PITPNM2: variants seen among roughly 807,000 people sequenced by gnomAD.
PITPNM2 encodes membrane-associated phosphatidylinositol transfer protein 2.
PITPNM2 carries 35 observed loss-of-function variants against 132.2 expected under a neutral mutation model. That is an observed-to-expected ratio of 0.26 (90% CI 0.20 to 0.35). The LOEUF (loss-of-function observed/expected upper bound fraction) is 0.35. PITPNM2 is among the 10% of genes least tolerant of loss of function. The probability of loss-of-function intolerance (pLI) is 1.00; values close to 1 mark genes in which losing one functional copy is unlikely to be tolerated. For missense variants in PITPNM2, 1,332 were observed against 1,912.0 expected (o/e 0.70, Z 5.66); for synonymous variants, 738 against 799.2 (o/e 0.92, Z 1.29).
chr12:123,127,865 T>C (rs1057353756), intron 1 of PITPNM2, among the ~76,000 whole-genome samples: 1 of 152,034 alleles, frequency 6.6e-6, no homozygotes, highest in Non-Finnish European at 1.5e-5. Context: ...CGCCTTGGCC[T>C]CCCAAAGTGC....
In PITPNM2 at chr12:123,078,803, G is replaced by A. The variant is rs544675211; in HGVS notation, c.-96+31582C>T. ...CACGCTGGGTGGCATCTCCCATCACGCCTGTGCCAGCCTCACTGCTGCAGC... is the reference window on the plus strand; with the variant it reads ...CACGCTGGGTGGCATCTCCCATCACACCTGTGCCAGCCTCACTGCTGCAGC... On this transcript the variant is annotated intron_variant, in intron 2 of 25. Coordinates refer to ENST00000320201, the MANE Select transcript of PITPNM2 (RefSeq NM_020845.3). The surrounding 1 kb of genome is among the most constrained non-coding windows in gnomAD (Gnocchi z 7.3). Among the ~76,000 whole-genome samples, 71 of 152,324 alleles carry A rather than the reference G, an allele frequency of 4.7e-4. No individual in the cohort carries two copies. The highest frequency in any genetic ancestry group is 1.4e-3 in the African/African-American group (58 of 41,578).
rs564233317 is a variant in PITPNM2, at chr12:123,099,353, G to A, written c.-96+11032C>T. 6.6e-6 allele frequency among the ~76,000 whole-genome samples: 1 copy of A among 152,280 alleles called. No individual in the cohort carries two copies. Among genetic ancestry groups the A allele is most frequent in the African/African-American group, 2.4e-5 (1 of 41,546 alleles). On this transcript the variant is annotated intron_variant, in intron 2 of 25. Transcript: ENST00000320201. This position sits in a 1 kb window ranked among gnomAD's most constrained non-coding sequence, Gnocchi z 4.2. ...AATCTGCCTCCCTATGTTCCTCGGAGAACACCCAGCACAGCAAGATTGGGA... is the reference window on the plus strand; with the variant it reads ...AATCTGCCTCCCTATGTTCCTCGGAAAACACCCAGCACAGCAAGATTGGGA...
chr12:123,086,163 G>A (rs1039469496), intron 2 of PITPNM2, among the ~76,000 whole-genome samples: 5 of 152,212 alleles, frequency 3.3e-5, no homozygotes, highest in East Asian at 1.9e-4. Context: ...CAAGGTAGCC[G>A]TGAGCAAGAA....
intron 1 of PITPNM2, among the ~76,000 whole-genome samples, chr12:123,116,647 C>CAA (rs5801499): frequency 4.0e-4 from 43 of 107,874 alleles, no homozygotes; most frequent in African/African-American, 1.3e-3. Context: ...GACCTTGTTT[C>CAA]AAAAAAAAAA....
chr12:123,089,021 C>T (rs1170535123), intron 2 of PITPNM2: 1 of 152,192 alleles, frequency 6.6e-6, no homozygotes, highest in East Asian at 1.9e-4. Context: ...GTTGGGCTTA[C>T]TTGCTTACAT....
At chr12:123,012,555 G>A in intron 5 of PITPNM2, 58 bp downstream of exon 5, 1 of 1,595,336 alleles carries the variant, frequency 6.3e-7, no homozygotes, top group Non-Finnish European at 8.6e-7. Flanking sequence ...GGACAAGAGG[G>A]ACCTGTGGGT....
chr12:123,037,016 G>A (rs2136486462), intron 2 of PITPNM2, among the ~76,000 whole-genome samples: 1 of 152,372 alleles, frequency 6.6e-6, no homozygotes, highest in African/African-American at 2.4e-5. Context: ...CTGAGGCCCT[G>A]TGGAGTTCTT....
intron 2 of PITPNM2, among the ~76,000 whole-genome samples, chr12:123,093,658 G>A (rs1283204274): frequency 2.0e-5 from 3 of 152,194 alleles, no homozygotes. Context: ...AGCCCTGGGA[G>A]GGAGAACAAG....
chr12:123,055,762 C>A (rs1251073096), intron 2 of PITPNM2, among the ~76,000 whole-genome samples: 3 of 152,062 alleles, frequency 2.0e-5, no homozygotes, highest in Admixed American at 6.6e-5. Context: ...CTTCTTCTTG[C>A]CAGGCTCTCT....
rs201557606 is a variant in PITPNM2, at chr12:123,009,815, C to G, written c.643+35G>C. 1 of 1,595,706 alleles carries G rather than the reference C, an allele frequency of 6.3e-7. No individual in the cohort carries two copies. Among genetic ancestry groups the G allele is most frequent in the African/African-American group, 1.3e-5 (1 of 74,502 alleles). On this transcript the variant is annotated intron_variant, in intron 6 of 25. Coordinates refer to ENST00000320201, the MANE Select transcript of PITPNM2 (RefSeq NM_020845.3). This position sits in a 1 kb window ranked among gnomAD's most constrained non-coding sequence, Gnocchi z 4.8. ...GACAGGAGACAGAGGGGTTGGGTAG[C>G]CCAGCCACTGCCCACCTGGCATGGG...
At chr12:123,090,437 G>A (rs1045585023) in intron 2 of PITPNM2, 2 of 152,184 alleles carry the variant, frequency 1.3e-5, no homozygotes, top group Admixed American at 6.5e-5. Flanking sequence ...TCGGCTCACT[G>A]AAACCTCCAC....
chr12:123,035,910 G>C (rs1473370277), intron 2 of PITPNM2, among the ~76,000 whole-genome samples: 1 of 152,136 alleles, frequency 6.6e-6, no homozygotes, highest in Non-Finnish European at 1.5e-5. Flanking sequence ...CCAGGCTAGA[G>C]TGCAGTGGTG....
rs907686784 is a variant in PITPNM2 at position 123,106,074 on chromosome 12, C to A, written c.-96+4311G>T. On this transcript the variant is annotated intron_variant, in intron 2 of 25. Transcript: ENST00000320201. The surrounding 1 kb of genome is among the most constrained non-coding windows in gnomAD (Gnocchi z 4.4). ...GCAAACCTCAACAAGTGACCAAAAG[C>A]ATCGCCCAGAAACAATCGTCTTGCC... is the stretch of plus-strand genomic sequence containing the variant. Among the ~76,000 whole-genome samples the A allele has an allele frequency of 7.2e-5, 11 of 152,230 alleles. No homozygotes were observed. The highest frequency in any genetic ancestry group is 1.5e-4 in the Non-Finnish European group (10 of 68,042).
chr12:123,025,106 CTCATGTTT>C (rs2039810048), intron 3 of PITPNM2, among the ~76,000 whole-genome samples: 1 of 152,162 alleles, frequency 6.6e-6, no homozygotes, highest in African/African-American at 2.4e-5. Flanking sequence ...TGCAGGAAAC[CTCATGTTT>C]GAGGCAGTGG....
chr12:123,128,678 A>G (rs1234197545), intron 1 of PITPNM2, among the ~76,000 whole-genome samples: 1 of 150,820 alleles, frequency 6.6e-6, no homozygotes, highest in East Asian at 1.9e-4. Flanking sequence ...ATTTGAACCC[A>G]GAGACAGAGG....
rs2039053460 is a variant in PITPNM2, at chr12:123,008,900, T to C, written c.643+950A>G. Among the ~76,000 whole-genome samples the C allele has an allele frequency of 6.6e-6, 1 of 152,184 alleles. No individual in the cohort carries two copies. The highest frequency in any genetic ancestry group is 1.5e-5 in the Non-Finnish European group (1 of 68,020). On this transcript the variant is annotated intron_variant, in intron 6 of 25. Coordinates refer to ENST00000320201, the MANE Select transcript of PITPNM2 (RefSeq NM_020845.3). The surrounding 1 kb of genome is among the most constrained non-coding windows in gnomAD (Gnocchi z 4.1). ...TCCCTTGGGGTCACAGCCCCAACAC[T>C]GAACATGGCTGTCTAGTGAGACACC...
Position 123,150,454 on chromosome 12 carries a change from C to T in PITPNM2, c.-200+299G>A. Among the ~76,000 whole-genome samples the T allele has an allele frequency of 6.6e-6, 1 of 152,132 alleles. No individual in the cohort carries two copies. The highest frequency in any genetic ancestry group is 6.5e-5 in the Admixed American group (1 of 15,270). ...ATGACACTTGTCCCTGGCGGGGGTCCCCCACGCGGTCGCGACCGACGGAAA... is the reference window on the plus strand; with the variant it reads ...ATGACACTTGTCCCTGGCGGGGGTCTCCCACGCGGTCGCGACCGACGGAAA... On this transcript the variant is annotated intron_variant, in intron 1 of 25. Transcript: ENST00000320201. This position sits in a 1 kb window ranked among gnomAD's most constrained non-coding sequence, Gnocchi z 6.0.
rs1284637494 is a variant in PITPNM2, at chr12:123,108,747, C to T, written c.-96+1638G>A. Among the ~76,000 whole-genome samples the T allele has an allele frequency of 6.6e-6, 1 of 152,196 alleles. No homozygotes were observed. The highest frequency in any genetic ancestry group is 1.5e-5 in the Non-Finnish European group (1 of 68,034). ...AGCAATTAGAGAAGATAACAGTCCA[C>T]GGTGCCAGCCTGGAACTACGGAGCC... On this transcript the variant is annotated intron_variant, in intron 2 of 25. Transcript: ENST00000320201. This position sits in a 1 kb window ranked among gnomAD's most constrained non-coding sequence, Gnocchi z 4.4.
At chr12:123,145,182 T>TA (rs1046456975) in intron 1 of PITPNM2, among the ~76,000 whole-genome samples, 1 of 151,752 alleles carries the variant, frequency 6.6e-6, no homozygotes, top group Non-Finnish European at 1.5e-5. Flanking sequence ...TCACAAAAAA[T>TA]AAAAAAAGAA....
Sources: gnomAD v4.1 joint callset for allele counts (sites outside exome capture counted in the v4.1 genomes callset) on GRCh38, gnomAD v4.1.1 for gene constraint, Gnocchi (gnomAD v3.1) non-coding constraint, MANE v1.5 for transcripts, NCBI Gene and HGNC (gene_info 2026-07-23, HGNC 2026-07-21) for gene names.